The following SCN7A variants were observed in gnomAD, a reference collection of about 807,000 sequenced individuals.
SCN7A encodes the protein sodium voltage-gated channel alpha subunit 7.
SCN7A carries 138 observed loss-of-function variants against 155.2 expected under a neutral mutation model. The ratio of observed to expected loss-of-function variants is 0.89; its 90% CI spans 0.77 to 1.02. The LOEUF is 1.02. Ranked by LOEUF, SCN7A falls within the 50% of genes least tolerant of loss-of-function variation. The pLI is 0.00. For missense variants in SCN7A, 2,058 were observed against 1,986.6 expected, an observed-to-expected ratio of 1.04 and a Z score of -0.68; for synonymous variants, 693 against 649.0, an observed-to-expected ratio of 1.07 and a Z score of -1.03.
chr2:166,416,268 G>A (rs1315773920), intron 21 of SCN7A, among the ~76,000 whole-genome samples: 1 of 152,104 alleles, frequency 6.6e-6, no homozygotes, highest in Non-Finnish European at 1.5e-5. Context: ...TTCTGATTTT[G>A]CCCTTGTCCT....
At chr2:166,490,003 A>G (rs927554791) in intron 1 of SCN7A, among the ~76,000 whole-genome samples, 1 of 151,840 alleles carries the variant, frequency 6.6e-6, no homozygotes, top group African/African-American at 2.4e-5. Context: ...TATTTTATAT[A>G]TATAAAATAT....
intron 2 of SCN7A, among the ~76,000 whole-genome samples, chr2:166,478,202 T>G (rs1702843286): frequency 6.6e-6 from 1 of 151,626 alleles, no homozygotes; most frequent in African/African-American, 2.4e-5. Flanking sequence ...CAAATTTACA[T>G]CAGGTATATC....
At chr2:166,419,532 A>G (rs892032360) in intron 20 of SCN7A, among the ~76,000 whole-genome samples, 2 of 151,658 alleles carry the variant, frequency 1.3e-5, no homozygotes, top group African/African-American at 4.8e-5. Context: ...ACACCTGGCT[A>G]ATTTTTGTAT....
At chr2:166,446,690 A>G (rs1395596266) in intron 12 of SCN7A, among the ~76,000 whole-genome samples, 1 of 152,214 alleles carries the variant, frequency 6.6e-6, no homozygotes, top group Non-Finnish European at 1.5e-5. Context: ...CTATGCAGCC[A>G]TAAAAAAGAA....
chr2:166,425,444 G>A (rs904728140), intron 18 of SCN7A, among the ~76,000 whole-genome samples: 3 of 152,008 alleles, frequency 2.0e-5, no homozygotes, highest in African/African-American at 7.2e-5. Context: ...TATTGTGACT[G>A]TAACAGATTA....
intron 3 of SCN7A, among the ~76,000 whole-genome samples, chr2:166,475,097 TATATATGTATATATATATATATAC>T (rs1313644694): frequency 9.8e-6 from 1 of 102,026 alleles, no homozygotes; most frequent in South Asian, 3.3e-4. Context: ...TATATACACA[TATATATGTATATATATATATATAC>T]ATATATATAT....
intron 16 of SCN7A, among the ~76,000 whole-genome samples, chr2:166,429,696 G>C (rs1701693943): frequency 6.6e-6 from 1 of 151,974 alleles, no homozygotes; most frequent in South Asian, 2.1e-4. Flanking sequence ...GTAGATAATA[G>C]TGCACCTAGG....
intron 2 of SCN7A, among the ~76,000 whole-genome samples, chr2:166,481,420 A>C (rs1344452296): frequency 6.6e-6 from 1 of 152,166 alleles, no homozygotes; most frequent in Non-Finnish European, 1.5e-5. Flanking sequence ...ATTTACTACA[A>C]AAAAATATAA....
chr2:166,433,089 T>A (rs1207064775), intron 15 of SCN7A, among the ~76,000 whole-genome samples: 1 of 152,100 alleles, frequency 6.6e-6, no homozygotes, highest in East Asian at 1.9e-4. Flanking sequence ...AGTGTTCCAT[T>A]ATTGGAAGGC....
chr2:166,477,089 T>G (rs916231794), intron 3 of SCN7A, among the ~76,000 whole-genome samples: 1 of 151,936 alleles, frequency 6.6e-6, no homozygotes, highest in African/African-American at 2.4e-5. Flanking sequence ...TCTGAGTAAG[T>G]TCATCATATT....
At chr2:166,428,076 A>C in intron 17 of SCN7A, 134 bp from the exon 18 acceptor site, 1 of 978,270 alleles carries the variant, frequency 1.0e-6, no homozygotes, top group Non-Finnish European at 1.5e-6. Flanking sequence ...ATTTATAAAC[A>C]TTTAATTTTT....
intron 15 of SCN7A, among the ~76,000 whole-genome samples, chr2:166,433,116 A>AT (rs1055634197): frequency 2.0e-5 from 3 of 152,116 alleles, no homozygotes; most frequent in Non-Finnish European, 4.4e-5. Context: ...TGTGGGAGTT[A>AT]TTTATATCCT....
chr2:166,405,969 G>A lies in SCN7A; in HGVS notation c.4660C>T (p.Pro1554Ser). ...ALDPPLFMAK[P>S]NKGQLIALDL... ...AAAGCAATGAGCTGGCCCTTGTTTG[G>A]TTTTGCCATGAAAAGAGGAGGATCA... The change falls in exon 26 of 26, where the codon CCA becomes TCA. Residue 1554 changes from proline (P) to serine (S), a missense_variant. Transcript: ENST00000643258. The A allele has an allele frequency of 6.2e-7, 1 of 1,612,902 alleles. No homozygotes were observed. The highest frequency in any genetic ancestry group is 8.5e-7 in the Non-Finnish European group (1 of 1,179,348).
intron 1 of SCN7A, among the ~76,000 whole-genome samples, chr2:166,489,507 A>T (rs10930226): frequency 0.19 from 28,418 of 152,232 alleles, 3,362 homozygotes; most frequent in Non-Finnish European, 0.25. Flanking sequence ...CTTGACTAAA[A>T]TGACATCAAT....
intron 10 of SCN7A, 23 bp downstream of exon 10, chr2:166,462,366 G>T: frequency 6.4e-7 from 1 of 1,570,040 alleles, no homozygotes; most frequent in Non-Finnish European, 8.6e-7. Flanking sequence ...CCTAAGTACA[G>T]TACAATTTCT....
intron 11 of SCN7A, among the ~76,000 whole-genome samples, chr2:166,451,384 T>C (rs527628834): frequency 2.0e-5 from 3 of 152,184 alleles, no homozygotes; most frequent in African/African-American, 7.2e-5. Flanking sequence ...ATTGAGAGGA[T>C]TGTTACTCAA....
intron 2 of SCN7A, among the ~76,000 whole-genome samples, chr2:166,482,431 A>G (rs1206776028): frequency 6.6e-6 from 1 of 151,976 alleles, no homozygotes; most frequent in African/African-American, 2.4e-5. Context: ...TTACTACTCC[A>G]TAAGAAAATA....
At chr2:166,406,708 T>C (rs914954191) in intron 25 of SCN7A, 62 bp from the exon 26 acceptor site, 50 of 1,121,042 alleles carry the variant, frequency 4.5e-5, no homozygotes, top group Middle Eastern at 2.1e-4. Flanking sequence ...TTTTGAGGAC[T>C]ATAAATTATT....
Position 166,465,910 on chromosome 2 carries a change from G to T in SCN7A, c.742C>A (p.Leu248Met), listed in dbSNP as rs1559120084. The change falls in exon 8 of 26, where the codon CTG becomes ATG. Residue 248 changes from leucine to methionine, a missense_variant. Leu to Met is a conservative substitution (Grantham distance 15). Coordinates refer to ENST00000643258, the MANE Select transcript of SCN7A (RefSeq NM_002976.4). ...ATCCCAATTAGAGAAAATATGCTCA[G>T]AAAAAACAGAGTTAGGATAATGACA... ...IGVIILTLFF[L>M]SIFSLIGMGL... The T allele has an allele frequency of 5.6e-6, 9 of 1,613,756 alleles. No homozygotes were observed. Among genetic ancestry groups the T allele is most frequent in the Non-Finnish European group, 7.6e-6 (9 of 1,179,794 alleles).
Sources: allele counts gnomAD v4.1 joint callset (sites outside exome capture counted in the v4.1 genomes callset), GRCh38; gene constraint gnomAD v4.1.1; transcripts MANE v1.5; gene names NCBI Gene and HGNC (gene_info 2026-07-23, HGNC 2026-07-21).